DENND2B: variants seen among roughly 807,000 people sequenced by gnomAD.
DENND2B encodes the protein DENN domain-containing protein 2B.
A neutral mutation model predicts 116.0 loss-of-function variants in DENND2B; 32 were observed. The observed-to-expected ratio is 0.28, with a 90% confidence interval of 0.21 to 0.37. The LOEUF is 0.37. DENND2B is among the 10% of genes least tolerant of loss of function. The pLI is 1.00. For missense variants in DENND2B, 1,276 were observed against 1,477.7 expected, an observed-to-expected ratio of 0.86 and a Z score of 2.24; for synonymous variants, 588 against 583.9, an observed-to-expected ratio of 1.01 and a Z score of -0.10.
At position 8,713,877 on chromosome 11, in the gene DENND2B, C is replaced by T; in HGVS notation, c.1987+121G>A. 1.9e-6 allele frequency: 2 copies of T among 1,046,662 alleles called. 1 individual carries two copies. Among genetic ancestry groups the T allele is most frequent in the South Asian group, 2.7e-5 (2 of 74,530 alleles). 64.8% of individuals were successfully genotyped at this position (1,046,662 alleles called of 1,614,324 possible). A position where few individuals can be genotyped will look rare whatever the true frequency, so the allele number is the denominator to read the frequency against. ...TCTATTGTTCTGGTATCTGGCCTGT[C>T]TGTCACCTCTCCACATCAGGCCGGT... is the stretch of plus-strand genomic sequence containing the variant. On this transcript the variant is annotated intron_variant, in intron 8 of 19. Coordinates refer to ENST00000313726, the MANE Select transcript of DENND2B (RefSeq NM_213618.2).
At position 8,824,026 on chromosome 11, in the gene DENND2B, C is replaced by T. The variant is rs189850457; in HGVS notation, c.-114-12691G>A. Among the ~76,000 whole-genome samples the T allele has an allele frequency of 2.5e-4, 38 of 151,934 alleles. 1 individual carries two copies. Among genetic ancestry groups the T allele is most frequent in the Admixed American group, 1.2e-3 (19 of 15,256 alleles). The stretch of plus-strand genomic sequence containing the variant: ...CAAGCGATTCTCCTGCTTCAGGCTC[C>T]CCAGTAGCTGGGACTACAGGTGCCC... On this transcript the variant is annotated intron_variant, in intron 4 of 6. Transcript: ENST00000524757.
chr11:8,869,933 C>CAAA (rs11454088), intron 2 of DENND2B, among the ~76,000 whole-genome samples: 11,523 of 151,154 alleles, frequency 0.076, 639 homozygotes, highest in East Asian at 0.22. Flanking sequence ...CTAATTCTGG[C>CAAA]AAAAAAAAAT....
chr11:8,762,424 G>A (rs2054836240), intron 1 of DENND2B, among the ~76,000 whole-genome samples: 1 of 152,178 alleles, frequency 6.6e-6, no homozygotes, highest in African/African-American at 2.4e-5. Flanking sequence ...AGTTACCTCT[G>A]GCCTTCCCAG....
intron 1 of DENND2B, among the ~76,000 whole-genome samples, chr11:8,770,368 A>T (rs1462812842): frequency 6.6e-6 from 1 of 152,226 alleles, no homozygotes; most frequent in East Asian, 1.9e-4. Context: ...GAGTAGAACC[A>T]AGTCCAGAAT....
At chr11:8,819,997 TA>T (rs1197840921) in intron 4 of DENND2B, among the ~76,000 whole-genome samples, 1 of 152,210 alleles carries the variant, frequency 6.6e-6, no homozygotes, top group Non-Finnish European at 1.5e-5. Flanking sequence ...AAAAAGTTTT[TA>T]AAAGCCAAAT....
intron 1 of DENND2B, among the ~76,000 whole-genome samples, chr11:8,769,389 G>A (rs1428527791): frequency 6.6e-6 from 1 of 151,752 alleles, no homozygotes; most frequent in Non-Finnish European, 1.5e-5. Context: ...AGGCTCCCAT[G>A]CCTCAGGTAT....
At chr11:8,740,032 A>T (rs1473083797) in intron 2 of DENND2B, among the ~76,000 whole-genome samples, 1 of 151,834 alleles carries the variant, frequency 6.6e-6, no homozygotes, top group Non-Finnish European at 1.5e-5. Flanking sequence ...CAAAAAAAAA[A>T]TTTAAAAATT....
At chr11:8,855,842 G>A (rs2063175314) in intron 3 of DENND2B, among the ~76,000 whole-genome samples, 1 of 152,110 alleles carries the variant, frequency 6.6e-6, no homozygotes, top group South Asian at 2.1e-4. Context: ...AATCCAAACA[G>A]AATAAGGAAA....
At position 8,715,759 on chromosome 11, in the gene DENND2B, G is replaced by A. The variant is rs1260435555; in HGVS notation, c.1689C>T (p.Ser563=). ...TCTTGGGTAATCGTGGCAGCCGGTGGCTCTTCCTTTCTGACCAGTTCCCAC... is the reference window on the plus strand; with the variant it reads ...TCTTGGGTAATCGTGGCAGCCGGTGACTCTTCCTTTCTGACCAGTTCCCAC... ...LRSGNWSERK[S]HRLPRLPKRH... is the part of the protein sequence containing the mutation. Residue 563 remains serine, a synonymous_variant, in exon 6 of 20, where the codon AGC becomes AGT. Coordinates refer to ENST00000313726, the MANE Select transcript of DENND2B (RefSeq NM_213618.2). The A allele has an allele frequency of 6.2e-7, 1 of 1,614,020 alleles. No individual in the cohort carries two copies.
chr11:8,756,659 T>C (rs1189565244), intron 1 of DENND2B, among the ~76,000 whole-genome samples: 3 of 152,244 alleles, frequency 2.0e-5, no homozygotes, highest in Non-Finnish European at 2.9e-5. Flanking sequence ...GTTAACCCTT[T>C]ACACCTGAAG....
At chr11:8,772,064 C>T (rs920567310) in intron 1 of DENND2B, 23 of 151,864 alleles carry the variant, frequency 1.5e-4, no homozygotes, top group Middle Eastern at 3.2e-3. Flanking sequence ...TCAGAGAGCT[C>T]CCGGGTTGGT....
chr11:8,713,856 T>C (rs1185163015), intron 8 of DENND2B, 142 bp downstream of exon 8: 9 of 835,346 alleles, frequency 1.1e-5, no homozygotes, highest in East Asian at 2.4e-5. Context: ...CCCTGCTCTA[T>C]TGTTCTGGTA....
At chr11:8,840,842 C>A (rs964968965) in intron 3 of DENND2B, among the ~76,000 whole-genome samples, 1 of 150,872 alleles carries the variant, frequency 6.6e-6, no homozygotes, top group South Asian at 2.1e-4. Context: ...GGCCACGGAA[C>A]TGAAAGCCTA....
intron 1 of DENND2B, among the ~76,000 whole-genome samples, chr11:8,910,650 TGG>T (rs1292130919): frequency 1.0e-5 from 1 of 96,846 alleles, no homozygotes; most frequent in East Asian, 4.5e-4. Context: ...TGTGTGTGTG[TGG>T]ACACGGGTTG....
At chr11:8,749,153 C>A (rs769893868) in intron 2 of DENND2B, among the ~76,000 whole-genome samples, 2 of 152,232 alleles carry the variant, frequency 1.3e-5, no homozygotes, top group Non-Finnish European at 2.9e-5. Flanking sequence ...ACTAGGCTGA[C>A]AAGAGCCCAA....
upstream of DENND2B, among the ~76,000 whole-genome samples, chr11:8,872,968 T>C (rs1171860535): frequency 1.3e-5 from 2 of 152,192 alleles, no homozygotes; most frequent in African/African-American, 4.8e-5. Context: ...TGGATGAACT[T>C]AGCCCTCTCC....
intron 1 of DENND2B, among the ~76,000 whole-genome samples, chr11:8,891,613 T>A (rs183709893): frequency 0.02 from 3,106 of 152,058 alleles, 78 homozygotes; most frequent in East Asian, 0.085. Context: ...AAAACATACT[T>A]TAAACCAACA....
chr11:8,831,699 A>T (rs1594154447), intron 4 of DENND2B: 1 of 151,878 alleles, frequency 6.6e-6, no homozygotes. Context: ...CTGTCTCCAT[A>T]AAAAAAAGAT....
intron 14 of DENND2B, among the ~76,000 whole-genome samples, chr11:8,701,427 T>G (rs564402240): frequency 2.3e-4 from 29 of 127,798 alleles, no homozygotes; most frequent in Non-Finnish European, 2.7e-4. Context: ...AAACACCGCC[T>G]CCTCCAGCCT....
Sources: gnomAD v4.1 joint callset for allele counts (sites outside exome capture counted in the v4.1 genomes callset) on GRCh38, gnomAD v4.1.1 for gene constraint, MANE v1.5 for transcripts, NCBI Gene and HGNC (gene_info 2026-07-23, HGNC 2026-07-21) for gene names.